The following CLSTN2 variants were observed in gnomAD, a reference collection of about 807,000 sequenced individuals.
The protein encoded by CLSTN2 is calsyntenin-2.
CLSTN2 carries 48 observed loss-of-function variants against 101.2 expected under a neutral mutation model. The ratio of observed to expected loss-of-function variants is 0.47; its 90% CI spans 0.38 to 0.60. The LOEUF is 0.60. CLSTN2 is among the 20% of genes least tolerant of loss of function. CLSTN2 has a pLI of 0.00. For synonymous variants in CLSTN2, 481 were observed against 463.6 expected (o/e 1.04, Z -0.48); for missense variants, 1,160 against 1,238.2 (o/e 0.94, Z 0.95).
chr3:140,519,762 C>G (rs72992708), intron 8 of CLSTN2, among the ~76,000 whole-genome samples: 8,278 of 152,096 alleles, frequency 0.054, 742 homozygotes, highest in African/African-American at 0.19. Context: ...GGCTCTTTAT[C>G]CAGCTTGCCA....
At chr3:140,054,275 A>G (rs765175836) in intron 1 of CLSTN2, among the ~76,000 whole-genome samples, 3 of 152,108 alleles carry the variant, frequency 2.0e-5, no homozygotes, top group Non-Finnish European at 2.9e-5. Flanking sequence ...AGAATCTTAT[A>G]CTGTCATTTT....
intron 1 of CLSTN2, among the ~76,000 whole-genome samples, chr3:139,961,953 G>T (rs1231206041): frequency 6.6e-6 from 1 of 151,644 alleles, no homozygotes; most frequent in East Asian, 1.9e-4. Flanking sequence ...TATTTTTCCA[G>T]GTTATTAAAA....
chr3:140,354,247 A>G lies in CLSTN2; in HGVS notation c.233-49382A>G, dbSNP rs1267069558. 2.0e-5 allele frequency among the ~76,000 whole-genome samples: 3 copies of G among 152,284 alleles called. No homozygotes were observed. The East Asian group carries it at 5.8e-4, about 29-fold the overall frequency. Reference sequence around the variant, plus strand: ...GTTACCCAGAGTTGCATGGATTAGGATGGAACTTTGGGCTACTCAAGGGCA... The same window carrying G: ...GTTACCCAGAGTTGCATGGATTAGGGTGGAACTTTGGGCTACTCAAGGGCA... On this transcript the variant is annotated intron_variant, in intron 2 of 16. Transcript: ENST00000458420.
Position 140,065,501 on chromosome 3 carries a change from A to G in CLSTN2, c.110-110450A>G, listed in dbSNP as rs148336058. Among the ~76,000 whole-genome samples the G allele has an allele frequency of 6.4e-3, 969 of 152,346 alleles. 7 individuals carry two copies. The highest frequency in any genetic ancestry group is 9.9e-3 in the Non-Finnish European group (676 of 68,030). ...TCAGGAAGTTGATTTATACAAAGCT[A>G]TTGTGTTGAAAACTTCACAACTTCA... is the stretch of plus-strand genomic sequence containing the variant. On this transcript the variant is annotated intron_variant, in intron 1 of 16. Coordinates refer to ENST00000458420, the MANE Select transcript of CLSTN2 (RefSeq NM_022131.3).
intron 8 of CLSTN2, among the ~76,000 whole-genome samples, chr3:140,511,541 C>CTTT (rs59924727): frequency 1.7e-4 from 12 of 70,848 alleles, no homozygotes; most frequent in African/African-American, 2.7e-4. Context: ...TGTTTCTGGA[C>CTTT]TTTTTTTTTT....
At chr3:140,085,547 A>T (rs531183305) in intron 1 of CLSTN2, among the ~76,000 whole-genome samples, 2 of 152,212 alleles carry the variant, frequency 1.3e-5, no homozygotes, top group African/African-American at 4.8e-5. Context: ...TGAGAATCCA[A>T]ATCCTCTGGG....
At chr3:140,335,741 G>A (rs147175014) in intron 2 of CLSTN2, among the ~76,000 whole-genome samples, 2 of 152,286 alleles carry the variant, frequency 1.3e-5, no homozygotes, top group Non-Finnish European at 2.9e-5. Context: ...TGGTTCCTGC[G>A]ATGCTAAAAT....
intron 7 of CLSTN2, chr3:140,461,421 A>T (rs965348880): frequency 1.3e-5 from 2 of 152,234 alleles, no homozygotes; most frequent in Admixed American, 1.3e-4. Flanking sequence ...AGCTGGGGTC[A>T]GTGGCCATGC....
At chr3:140,346,431 C>G (rs1051531673) in intron 2 of CLSTN2, among the ~76,000 whole-genome samples, 2 of 152,156 alleles carry the variant, frequency 1.3e-5, no homozygotes, top group African/African-American at 4.8e-5. Flanking sequence ...TTGTTGCTCC[C>G]TTTCAACCCA....
At chr3:140,230,836 C>T (rs945285128) in intron 2 of CLSTN2, among the ~76,000 whole-genome samples, 9 of 152,146 alleles carry the variant, frequency 5.9e-5, no homozygotes, top group Admixed American at 1.3e-4. Flanking sequence ...AAGCTGGTAT[C>T]CGTGCAGGGA....
chr3:140,497,475 C>G (rs1366704999), intron 8 of CLSTN2, among the ~76,000 whole-genome samples: 2 of 152,182 alleles, frequency 1.3e-5, no homozygotes, highest in Non-Finnish European at 2.9e-5. Flanking sequence ...CCGAAGCCAG[C>G]AGGCTAGAAT....
intron 1 of CLSTN2, among the ~76,000 whole-genome samples, chr3:140,167,714 C>T (rs1443313628): frequency 6.6e-6 from 1 of 152,196 alleles, no homozygotes; most frequent in Non-Finnish European, 1.5e-5. Flanking sequence ...AATCCCACCC[C>T]ACCCCAAACC....
intron 1 of CLSTN2, among the ~76,000 whole-genome samples, chr3:140,024,560 C>CA: frequency 6.6e-6 from 1 of 152,346 alleles, no homozygotes; most frequent in South Asian, 2.1e-4. Context: ...CAGCTAGTCG[C>CA]AAACAACACC....
chr3:140,530,702 G>A (rs1033338039), intron 8 of CLSTN2, among the ~76,000 whole-genome samples: 4 of 152,214 alleles, frequency 2.6e-5, no homozygotes, highest in South Asian at 2.1e-4. Flanking sequence ...GATGGTCACC[G>A]TGAGGGCAGT....
At chr3:140,551,017 A>G (rs113927164) in intron 10 of CLSTN2, among the ~76,000 whole-genome samples, 12,917 of 151,656 alleles carry the variant, frequency 0.085, 474 homozygotes, top group Middle Eastern at 0.13. Context: ...CCTACTTCTC[A>G]CAACAAATTA....
At chr3:140,368,599 C>G (rs11715839) in intron 2 of CLSTN2, among the ~76,000 whole-genome samples, 62,371 of 152,008 alleles carry the variant, frequency 0.41, 13,709 homozygotes, top group Non-Finnish European at 0.5. Context: ...CAAACCTCAC[C>G]ATCATGAATA....
intron 1 of CLSTN2, among the ~76,000 whole-genome samples, chr3:140,135,105 CACACACACACACATAT>C (rs1227981139): frequency 0.016 from 825 of 53,110 alleles, 10 homozygotes; most frequent in African/African-American, 0.07. Flanking sequence ...CACACACACA[CACACACACACACATAT>C]ATATATATAT....
chr3:140,005,112 C>T (rs2006927522), intron 1 of CLSTN2, among the ~76,000 whole-genome samples: 1 of 152,102 alleles, frequency 6.6e-6, no homozygotes, highest in Non-Finnish European at 1.5e-5. Context: ...CTCCAAGAAC[C>T]CAAGGGTAAA....
chr3:140,209,065 A>G (rs1343001561), intron 2 of CLSTN2, among the ~76,000 whole-genome samples: 1 of 152,196 alleles, frequency 6.6e-6, no homozygotes, highest in Non-Finnish European at 1.5e-5. Flanking sequence ...TATAAGAACA[A>G]TTTATTTATG....
Sources: gnomAD v4.1 joint callset for allele counts (sites outside exome capture counted in the v4.1 genomes callset) on GRCh38, gnomAD v4.1.1 for gene constraint, MANE v1.5 for transcripts, NCBI Gene and HGNC (gene_info 2026-07-23, HGNC 2026-07-21) for gene names.